Variants in PDE1C observed in about 807,000 individuals in gnomAD.
PDE1C encodes the protein phosphodiesterase 1C.
Under a neutral mutation model 93.1 loss-of-function variants are expected in PDE1C, and 62 were observed. The observed-to-expected ratio is 0.67, with a 90% CI of 0.54 to 0.82. PDE1C has a LOEUF of 0.82. PDE1C is among the 40% of genes least tolerant of loss of function. The pLI is 0.00. For missense variants in PDE1C, 742 were observed against 884.6 expected, an observed-to-expected ratio of 0.84 and a Z score of 2.04; for synonymous variants, 325 against 310.1, an observed-to-expected ratio of 1.05 and a Z score of -0.50.
chr7:32,216,407 C>T (rs990972535), intron 1 of PDE1C, among the ~76,000 whole-genome samples: 1 of 152,150 alleles, frequency 6.6e-6, no homozygotes, highest in Non-Finnish European at 1.5e-5. Flanking sequence ...AAGCTCCACA[C>T]AAGCATAGAT....
intron 2 of PDE1C, among the ~76,000 whole-genome samples, chr7:31,989,475 A>G (rs1783889472): frequency 6.6e-6 from 1 of 152,182 alleles, no homozygotes; most frequent in Admixed American, 6.5e-5. Flanking sequence ...ATATATCTAC[A>G]TACACACCCT....
intron 16 of PDE1C, chr7:31,790,199 A>G: frequency 4.3e-6 from 7 of 1,611,364 alleles, no homozygotes; most frequent in Non-Finnish European, 5.9e-6. Context: ...CTCAGCTAGA[A>G]TGATGCAAGA....
the PDE1C span, among the ~76,000 whole-genome samples, chr7:31,627,047 T>C: frequency 6.6e-6 from 1 of 152,252 alleles, no homozygotes; most frequent in Admixed American, 6.5e-5. Flanking sequence ...TTCTGGAGTA[T>C]TTCTTATTAC....
intron 1 of PDE1C, among the ~76,000 whole-genome samples, chr7:32,310,127 A>G (rs569202247): frequency 6.6e-6 from 1 of 152,126 alleles, no homozygotes; most frequent in Non-Finnish European, 1.5e-5. Flanking sequence ...CAGACTTCAA[A>G]CCAACAAAGA....
chr7:31,630,757 T>G, the PDE1C span, among the ~76,000 whole-genome samples: 1 of 151,858 alleles, frequency 6.6e-6, no homozygotes, highest in African/African-American at 2.4e-5. Flanking sequence ...TTAAGAAATT[T>G]TATCTACATT....
chr7:31,782,050 C>T (rs1035465924), intron 16 of PDE1C, among the ~76,000 whole-genome samples: 3 of 151,982 alleles, frequency 2.0e-5, no homozygotes, highest in Non-Finnish European at 2.9e-5. Context: ...TGTGACAAAG[C>T]GTTATGTACA....
chr7:31,902,151 T>C (rs1800057325), intron 2 of PDE1C, among the ~76,000 whole-genome samples: 2 of 151,512 alleles, frequency 1.3e-5, no homozygotes, highest in South Asian at 4.1e-4. Flanking sequence ...TTGTAAAAGA[T>C]TTAAAATTAT....
intron 16 of PDE1C, among the ~76,000 whole-genome samples, chr7:31,793,439 A>G (rs1354818275): frequency 1.3e-5 from 2 of 152,044 alleles, no homozygotes; most frequent in Non-Finnish European, 2.9e-5. Flanking sequence ...AAGTAAGTTG[A>G]CTTGGCTGAA....
At chr7:32,065,113 G>A (rs929919884) in intron 1 of PDE1C, among the ~76,000 whole-genome samples, 31 of 151,810 alleles carry the variant, frequency 2.0e-4, no homozygotes, top group African/African-American at 7.5e-4. Flanking sequence ...ATCTCCAATA[G>A]CTCCATGTTG....
chr7:32,406,115 T>G (rs952986948), intron 1 of PDE1C, among the ~76,000 whole-genome samples: 1 of 152,146 alleles, frequency 6.6e-6, no homozygotes, highest in Non-Finnish European at 1.5e-5. Flanking sequence ...GGTACGTGCC[T>G]TACCCCACAG....
At chr7:31,946,258 T>C (rs1806590900) in intron 2 of PDE1C, among the ~76,000 whole-genome samples, 3 of 152,126 alleles carry the variant, frequency 2.0e-5, no homozygotes, top group Admixed American at 1.3e-4. Context: ...TCTGACATAA[T>C]GTAAAAGAGT....
chr7:32,187,776 G>A (rs1803979326), intron 2 of PDE1C, among the ~76,000 whole-genome samples: 1 of 150,182 alleles, frequency 6.7e-6, no homozygotes, highest in South Asian at 2.1e-4. Context: ...CAAAAATCTG[G>A]TCATTTTAAC....
chr7:32,222,656 C>G (rs1806959241), intron 1 of PDE1C, among the ~76,000 whole-genome samples: 1 of 152,204 alleles, frequency 6.6e-6, no homozygotes, highest in Non-Finnish European at 1.5e-5. Flanking sequence ...TAAGAATAAT[C>G]TGTCTGAATT....
At chr7:32,293,206 C>T (rs1248253580) in intron 1 of PDE1C, among the ~76,000 whole-genome samples, 1 of 152,182 alleles carries the variant, frequency 6.6e-6, no homozygotes, top group Non-Finnish European at 1.5e-5. Context: ...GGTGTTACCA[C>T]CTCCATTTAT....
chr7:31,677,814 A>G, the PDE1C span, among the ~76,000 whole-genome samples: 1 of 152,152 alleles, frequency 6.6e-6, no homozygotes, highest in African/African-American at 2.4e-5. Context: ...AAACTTAGAG[A>G]TACATGAAGT....
the PDE1C span, among the ~76,000 whole-genome samples, chr7:31,730,530 G>A: frequency 6.6e-6 from 1 of 152,178 alleles, no homozygotes; most frequent in Non-Finnish European, 1.5e-5. Context: ...AATTGCCCCT[G>A]TGCAGTATGG....
intron 1 of PDE1C, among the ~76,000 whole-genome samples, chr7:32,246,839 A>C (rs1236421680): frequency 6.6e-6 from 1 of 152,226 alleles, no homozygotes; most frequent in Non-Finnish European, 1.5e-5. Context: ...TCCTATCACA[A>C]TACATAGCAT....
At chr7:31,768,086 G>T (rs554220627) in intron 17 of PDE1C, among the ~76,000 whole-genome samples, 2 of 152,322 alleles carry the variant, frequency 1.3e-5, no homozygotes, top group South Asian at 4.1e-4. Context: ...TATAGCAAGG[G>T]TAATTAACAT....
chr7:32,365,694 C>A lies in PDE1C; in HGVS notation c.310+62128G>T, dbSNP rs1784217763. 3.3e-5 allele frequency among the ~76,000 whole-genome samples: 5 copies of A among 152,266 alleles called. No individual in the cohort carries two copies. The South Asian group carries it at 1.0e-3, about 32-fold the overall frequency. On this transcript the variant is annotated intron_variant, in intron 1 of 1. Transcript: ENST00000672256. Reference sequence around the variant, plus strand: ...GAGTAACAGATCTGTAGCCCCGACCCCAGCCTCAAGATGGTCAACCCACCA... The same window carrying A: ...GAGTAACAGATCTGTAGCCCCGACCACAGCCTCAAGATGGTCAACCCACCA...
Sources: gnomAD v4.1 joint callset for allele counts (sites outside exome capture counted in the v4.1 genomes callset) on GRCh38, gnomAD v4.1.1 for gene constraint, MANE v1.5 for transcripts, NCBI Gene and HGNC (gene_info 2026-07-23, HGNC 2026-07-21) for gene names.